The following TNNI3K variants were observed in gnomAD, a reference collection of about 807,000 sequenced individuals.
TNNI3K encodes TNNI3 interacting kinase, also known as serine/threonine-protein kinase TNNI3K.
TNNI3K carries 140 observed loss-of-function variants against 114.5 expected under a neutral mutation model. The observed-to-expected ratio is 1.22, with a 90% confidence interval of 1.07 to 1.41. The LOEUF (loss-of-function observed/expected upper bound fraction) is 1.41, where lower values mean the gene tolerates loss of function less well. Among genes scored for constraint, TNNI3K ranks in the 40% most tolerant of loss-of-function variants. The pLI, the probability that TNNI3K is intolerant of heterozygous loss-of-function variation, is 0.00. For synonymous variants in TNNI3K, 347 were observed against 347.5 expected (o/e 1.00, Z 0.02); for missense variants, 1,125 against 1,007.6 (o/e 1.12, Z -1.58).
intron 5 of TNNI3K, among the ~76,000 whole-genome samples, chr1:74,309,468 T>A (rs1259509106): frequency 6.7e-6 from 1 of 150,118 alleles, no homozygotes. Flanking sequence ...AAAACTAGTA[T>A]CACCTTGGAT....
intron 13 of TNNI3K, 69 bp downstream of exon 13, chr1:74,368,033 C>T (rs938356072): frequency 2.8e-6 from 4 of 1,421,560 alleles, no homozygotes; most frequent in Non-Finnish European, 3.8e-6. Flanking sequence ...ATGTAATTTT[C>T]AATTTTGTTT....
chr1:74,375,695 A>G (rs536432733), intron 17 of TNNI3K: 4 of 436,506 alleles, frequency 9.2e-6, no homozygotes, highest in African/African-American at 6.1e-5. Flanking sequence ...CTCCAACCCA[A>G]CCAATCAGCA....
At chr1:74,416,501 T>C (rs1665121451) in intron 17 of TNNI3K, 1 of 983,952 alleles carries the variant, frequency 1.0e-6, no homozygotes. Flanking sequence ...CACTAGTAGG[T>C]GTGACAGTGG....
chr1:74,422,479 C>T (rs1665446930), intron 17 of TNNI3K, among the ~76,000 whole-genome samples: 1 of 152,050 alleles, frequency 6.6e-6, no homozygotes, highest in African/African-American at 2.4e-5. Flanking sequence ...CAATTAATTT[C>T]TTCCCCCAGA....
At chr1:74,352,190 A>T (rs1394730026) in intron 9 of TNNI3K, among the ~76,000 whole-genome samples, 1 of 152,208 alleles carries the variant, frequency 6.6e-6, no homozygotes, top group Non-Finnish European at 1.5e-5. Flanking sequence ...TCTAACAGTC[A>T]GGACCCTCAG....
chr1:74,532,454 AT>A (rs56172566), intron 23 of TNNI3K, among the ~76,000 whole-genome samples: 4,160 of 109,736 alleles, frequency 0.038, 85 homozygotes, highest in Middle Eastern at 0.097. Context: ...TGCTATTATT[AT>A]TTTTTTCTTT....
intron 17 of TNNI3K, among the ~76,000 whole-genome samples, chr1:74,434,632 G>A (rs1209548713): frequency 3.3e-5 from 5 of 151,940 alleles, no homozygotes; most frequent in African/African-American, 2.4e-5. Context: ...AGCTCCTGGT[G>A]CTGTAGAGTT....
intron 23 of TNNI3K, among the ~76,000 whole-genome samples, chr1:74,528,223 G>T (rs542380398): frequency 6.6e-6 from 1 of 152,282 alleles, no homozygotes; most frequent in South Asian, 2.1e-4. Flanking sequence ...AAGGAAGTTG[G>T]AGCATAAGGG....
chr1:74,543,815 G>C, intron 24 of TNNI3K, 91 bp from the exon 25 acceptor site: 1 of 1,451,856 alleles, frequency 6.9e-7, no homozygotes, highest in Middle Eastern at 1.7e-4. Context: ...CACATGATCT[G>C]GAAGACCTGC....
At chr1:74,482,903 A>G (rs1267607836) in intron 21 of TNNI3K, among the ~76,000 whole-genome samples, 1 of 152,100 alleles carries the variant, frequency 6.6e-6, no homozygotes, top group African/African-American at 2.4e-5. Flanking sequence ...ATTGCAGTTC[A>G]GGTTTCTGAT....
chr1:74,299,391 A>T (rs1007395953), intron 5 of TNNI3K, among the ~76,000 whole-genome samples: 10 of 144,922 alleles, frequency 6.9e-5, no homozygotes, highest in African/African-American at 2.6e-4. Flanking sequence ...GCAAACATAT[A>T]TCAAATAAGT....
chr1:74,275,495 C>T (rs1476790328), intron 5 of TNNI3K, among the ~76,000 whole-genome samples: 2 of 151,912 alleles, frequency 1.3e-5, no homozygotes, highest in South Asian at 2.1e-4. Context: ...GAACACAGAG[C>T]CAAAGCATAT....
chr1:74,299,419 G>A (rs1359824625), intron 5 of TNNI3K, among the ~76,000 whole-genome samples: 2 of 2,894 alleles, frequency 6.9e-4, no homozygotes, highest in Non-Finnish European at 0.014. Context: ...AATCTTGAAA[G>A]ACTTTTTTGA....
chr1:74,258,244 C>T (rs1655451021), intron 4 of TNNI3K, among the ~76,000 whole-genome samples: 1 of 152,130 alleles, frequency 6.6e-6, no homozygotes, highest in African/African-American at 2.4e-5. Flanking sequence ...CATAATGGAT[C>T]TCCATGCAGA....
intron 1 of TNNI3K, among the ~76,000 whole-genome samples, chr1:74,235,899 C>T (rs969654045): frequency 6.6e-6 from 1 of 151,278 alleles, no homozygotes; most frequent in Non-Finnish European, 1.5e-5. Flanking sequence ...TATCCAATAT[C>T]GAATGGGTTC....
intron 5 of TNNI3K, among the ~76,000 whole-genome samples, chr1:74,290,259 G>T (rs1456600014): frequency 6.8e-6 from 1 of 147,820 alleles, no homozygotes; most frequent in Non-Finnish European, 1.5e-5. Context: ...CTGGAGAATT[G>T]TTGAAATAAT....
chr1:74,412,441 A>G (rs11210458), intron 17 of TNNI3K, among the ~76,000 whole-genome samples: 91,924 of 151,960 alleles, frequency 0.6, 32,385 homozygotes, highest in East Asian at 0.81. Context: ...CCTCTGGAAT[A>G]CTGCTATTAC....
chr1:74,356,677 A>G (rs1247775624), intron 11 of TNNI3K, among the ~76,000 whole-genome samples: 1 of 152,212 alleles, frequency 6.6e-6, no homozygotes, highest in East Asian at 1.9e-4. Context: ...ATTGAGAGTG[A>G]TAGTTGAAAA....
intron 21 of TNNI3K, chr1:74,480,715 C>A: frequency 1.4e-6 from 1 of 717,408 alleles, no homozygotes; most frequent in South Asian, 1.5e-5. Context: ...CATTATTGCT[C>A]AGCACCAGTA....
Sources: gnomAD v4.1 joint callset for allele counts (sites outside exome capture counted in the v4.1 genomes callset) on GRCh38, gnomAD v4.1.1 for gene constraint, MANE v1.5 for transcripts, NCBI Gene and HGNC (gene_info 2026-07-23, HGNC 2026-07-21) for gene names.